The following DENND4A variants were observed in gnomAD, a reference collection of about 807,000 sequenced individuals.
DENND4A encodes C-myc promoter-binding protein.
Under a neutral mutation model 199.3 loss-of-function variants are expected in DENND4A, and 70 were observed. That is an observed-to-expected ratio of 0.35 (90% CI 0.29 to 0.43). DENND4A has a LOEUF of 0.43. Ranked by LOEUF, DENND4A falls within the 20% of genes least tolerant of loss-of-function variation. The pLI, the probability that DENND4A is intolerant of heterozygous loss-of-function variation, is 1.00. For synonymous variants in DENND4A, 686 were observed against 766.9 expected (o/e 0.89, Z 1.74); for missense variants, 1,723 against 2,255.8 (o/e 0.76, Z 4.78).
chr15:65,713,236 C>T (rs2075299281), intron 14 of DENND4A, among the ~76,000 whole-genome samples: 1 of 152,074 alleles, frequency 6.6e-6, no homozygotes, highest in Admixed American at 6.6e-5. Context: ...GTTTCTTCTC[C>T]ATTTTTACTT....
chr15:65,711,608 T>C (rs576679896), intron 14 of DENND4A, among the ~76,000 whole-genome samples: 2 of 152,312 alleles, frequency 1.3e-5, no homozygotes, highest in South Asian at 4.1e-4. Context: ...ATTCAAAATG[T>C]AGAAAATAAA....
chr15:65,704,632 G>A lies in DENND4A; in HGVS notation c.2087+1459C>T, dbSNP rs148813814. On this transcript the variant is annotated intron_variant, in intron 15 of 32. Transcript: ENST00000443035. ...TGGAGATAGAGTCTCGTTCTGTCAC[G>A]CAGGCTGGAGTGCAGTGGCACGATC... 2.1e-3 allele frequency among the ~76,000 whole-genome samples: 321 copies of A among 152,082 alleles called. 7 individuals are homozygous for A. The East Asian group carries it at 0.042, about 20-fold the overall frequency.
chr15:65,685,204 G>A (rs1408189828), intron 23 of DENND4A, among the ~76,000 whole-genome samples: 1 of 151,212 alleles, frequency 6.6e-6, no homozygotes, highest in African/African-American at 2.4e-5. Context: ...TCAGCTCACC[G>A]CAAGCTCCGC....
intron 4 of DENND4A, among the ~76,000 whole-genome samples, chr15:65,749,574 T>C (rs1484665993): frequency 6.6e-6 from 1 of 151,998 alleles, no homozygotes; most frequent in Non-Finnish European, 1.5e-5. Context: ...GGCACATCCA[T>C]TTAATACAAT....
At chr15:65,675,737 T>C (rs974462550) in intron 24 of DENND4A, among the ~76,000 whole-genome samples, 2 of 152,166 alleles carry the variant, frequency 1.3e-5, no homozygotes, top group Admixed American at 6.5e-5. Flanking sequence ...TGTGCCAACA[T>C]AGTTTGTTGA....
intron 5 of DENND4A, among the ~76,000 whole-genome samples, chr15:65,740,262 C>G (rs1263005448): frequency 6.9e-6 from 1 of 144,356 alleles, no homozygotes; most frequent in Admixed American, 7.1e-5. Flanking sequence ...TAGGGCAACA[C>G]AGTGAGATTC....
intron 3 of DENND4A, among the ~76,000 whole-genome samples, chr15:65,754,438 G>C (rs192501123): frequency 6.6e-6 from 1 of 152,124 alleles, no homozygotes; most frequent in Non-Finnish European, 1.5e-5. Context: ...CTTATAGTCA[G>C]CTATAAAATC....
chr15:65,745,654 C>T (rs2076368159), intron 4 of DENND4A, among the ~76,000 whole-genome samples: 1 of 151,992 alleles, frequency 6.6e-6, no homozygotes, highest in African/African-American at 2.4e-5. Context: ...CTCTACTTCC[C>T]AATAAATCCA....
chr15:65,773,503 A>G (rs762486368), intron 1 of DENND4A, among the ~76,000 whole-genome samples: 1 of 152,192 alleles, frequency 6.6e-6, no homozygotes, highest in Non-Finnish European at 1.5e-5. Flanking sequence ...AAAGAACGAC[A>G]CCATCTAAAT....
chr15:65,696,427 A>T lies in DENND4A; in HGVS notation c.3021T>A (p.Ser1007Arg), dbSNP rs776032334. The change falls in exon 22 of 33, where the codon AGT becomes AGA. Residue 1007 changes from serine (S) to arginine (R), a missense_variant. Coordinates refer to ENST00000443035, the MANE Select transcript of DENND4A (RefSeq NM_001320835.1). Reference protein sequence around the residue: ...LPKLSYQNSSSIVRLTGTSNN... With the variant: ...LPKLSYQNSSRIVRLTGTSNN... The stretch of plus-strand genomic sequence containing the variant: ...TACTTGTACCAGTGAGGCGAACGAT[A>T]CTGGAAGAATTTTGATAACTGAGCT... 5 of 1,612,802 alleles carry T rather than the reference A, an allele frequency of 3.1e-6. No homozygotes were observed. Among genetic ancestry groups the T allele is most frequent in the Non-Finnish European group, 4.2e-6 (5 of 1,179,192 alleles).
At chr15:65,770,816 G>C (rs1596662829) in intron 1 of DENND4A, among the ~76,000 whole-genome samples, 1 of 152,164 alleles carries the variant, frequency 6.6e-6, no homozygotes, top group Non-Finnish European at 1.5e-5. Flanking sequence ...GCAGTAACCT[G>C]TATGTACACA....
chr15:65,787,316 G>A (rs1052270405), intron 1 of DENND4A, among the ~76,000 whole-genome samples: 4 of 152,146 alleles, frequency 2.6e-5, no homozygotes, highest in Admixed American at 2.0e-4. Context: ...CAGATCAAGA[G>A]AGACAGGTTT....
intron 7 of DENND4A, 143 bp downstream of exon 7, chr15:65,737,564 T>C: frequency 1.3e-6 from 1 of 757,216 alleles, no homozygotes; most frequent in Non-Finnish European, 2.1e-6. Context: ...AATGGAGAAA[T>C]ACTACCTGAC....
At chr15:65,681,757 A>T (rs2076584787) in intron 23 of DENND4A, among the ~76,000 whole-genome samples, 1 of 151,904 alleles carries the variant, frequency 6.6e-6, no homozygotes, top group Admixed American at 6.6e-5. Context: ...TTGTAGAGAC[A>T]GGGTTTTGCC....
At chr15:65,666,677 G>T (rs2141850063) in intron 29 of DENND4A, among the ~76,000 whole-genome samples, 1 of 151,896 alleles carries the variant, frequency 6.6e-6, no homozygotes, top group South Asian at 2.1e-4. Context: ...ACTTTGGGAG[G>T]CTGAGACAGG....
chr15:65,743,296 A>G (rs2076306082), intron 4 of DENND4A, among the ~76,000 whole-genome samples: 1 of 152,164 alleles, frequency 6.6e-6, no homozygotes, highest in African/African-American at 2.4e-5. Context: ...TATTCTCCCC[A>G]TAATTTATTC....
At chr15:65,718,760 CTTTTTTTTTTTTTTTTTTTTT>C (rs1038227560) in intron 12 of DENND4A, among the ~76,000 whole-genome samples, 1 of 67,738 alleles carries the variant, frequency 1.5e-5, no homozygotes, top group Non-Finnish European at 3.0e-5. Context: ...GTTTTTTTTC[CTTTTTTTTTTTTTTTTTTTTT>C]TTTTTTTTGG....
At chr15:65,788,593 A>G (rs1376090655) in intron 1 of DENND4A, among the ~76,000 whole-genome samples, 1 of 151,848 alleles carries the variant, frequency 6.6e-6, no homozygotes, top group Non-Finnish European at 1.5e-5. Flanking sequence ...ATAACCGGCC[A>G]GGTGCAGTAA....
intron 14 of DENND4A, among the ~76,000 whole-genome samples, chr15:65,709,719 A>AAATATATATATAT (rs1218030026): frequency 1.4e-4 from 7 of 51,476 alleles, no homozygotes; most frequent in African/African-American, 4.0e-4. Context: ...AAAAAAAAAA[A>AAATATATATATAT]ATATATATAT....
Sources: gnomAD v4.1 joint callset for allele counts (sites outside exome capture counted in the v4.1 genomes callset) on GRCh38, gnomAD v4.1.1 for gene constraint, MANE v1.5 for transcripts, NCBI Gene and HGNC (gene_info 2026-07-23, HGNC 2026-07-21) for gene names.